The following EYS variants were observed in gnomAD, a reference collection of about 807,000 sequenced individuals.
The protein encoded by EYS is protein eyes shut homolog.
EYS carries 250 observed loss-of-function variants against 282.1 expected under a neutral mutation model. That is an observed-to-expected ratio of 0.89 (90% CI 0.80 to 0.98). The LOEUF (loss-of-function observed/expected upper bound fraction) is 0.98. EYS is among the 50% of genes least tolerant of loss of function. The pLI, the probability that EYS is intolerant of heterozygous loss-of-function variation, is 0.00. For missense variants in EYS, 4,016 were observed against 3,709.0 expected (o/e 1.08, Z -2.15); for synonymous variants, 1,355 against 1,282.9 (o/e 1.06, Z -1.20).
chr6:64,173,403 C>A (rs191445756), intron 31 of EYS, among the ~76,000 whole-genome samples: 1 of 152,100 alleles, frequency 6.6e-6, no homozygotes, highest in African/African-American at 2.4e-5. Context: ...ATCGTAGTGA[C>A]CTAGGTGGTC....
chr6:64,660,863 T>A (rs1768985815), intron 22 of EYS, among the ~76,000 whole-genome samples: 1 of 152,200 alleles, frequency 6.6e-6, no homozygotes, highest in Non-Finnish European at 1.5e-5. Flanking sequence ...CCAATTACTT[T>A]CTTCACAGAA....
At chr6:64,682,659 G>A (rs1478368409) in intron 22 of EYS, among the ~76,000 whole-genome samples, 4 of 152,110 alleles carry the variant, frequency 2.6e-5, no homozygotes, top group Non-Finnish European at 5.9e-5. Flanking sequence ...TTGCATGCAG[G>A]CAGCCCACCC....
chr6:65,600,703 T>C (rs956983915), intron 2 of EYS, among the ~76,000 whole-genome samples: 2 of 152,022 alleles, frequency 1.3e-5, no homozygotes, highest in East Asian at 3.9e-4. Flanking sequence ...GATTTCAAAA[T>C]TAAAACATAA....
chr6:64,611,458 A>T lies in EYS; in HGVS notation c.3684+5960T>A, dbSNP rs563180032. ...AATAAGCGTCCTAGCTAATGCTTTT[A>T]TTTCCCTCATCATACAGTTTTCTTC... On this transcript the variant is annotated intron_variant, in intron 24 of 42. Transcript: ENST00000503581. Among the ~76,000 whole-genome samples the T allele has an allele frequency of 7.9e-5, 12 of 152,176 alleles. No homozygotes were observed. In the East Asian group the frequency reaches 2.3e-3, roughly 29 times the overall value.
At chr6:64,281,251 A>G (rs994355670) in intron 30 of EYS, among the ~76,000 whole-genome samples, 5 of 152,112 alleles carry the variant, frequency 3.3e-5, no homozygotes, top group African/African-American at 1.2e-4. Context: ...ATCTTTCAAA[A>G]AAATCTCAAA....
intron 36 of EYS, chr6:63,857,708 C>CT: frequency 2.4e-6 from 1 of 413,888 alleles, no homozygotes; most frequent in South Asian, 2.0e-5. Context: ...GGATGTTGAC[C>CT]TTTTTGCCAT....
At chr6:65,282,714 TA>T (rs1468774000) in intron 12 of EYS, among the ~76,000 whole-genome samples, 1 of 152,016 alleles carries the variant, frequency 6.6e-6, no homozygotes, top group Non-Finnish European at 1.5e-5. Flanking sequence ...AGCTCACTAA[TA>T]ATGGCTTTCC....
intron 5 of EYS, among the ~76,000 whole-genome samples, chr6:65,430,135 T>A (rs77978033): frequency 1.3e-5 from 2 of 152,106 alleles, no homozygotes; most frequent in African/African-American, 4.8e-5. Context: ...TCCATCAATC[T>A]TCCCCCCTCT....
intron 13 of EYS, among the ~76,000 whole-genome samples, chr6:65,021,584 T>C (rs1360002445): frequency 6.6e-6 from 1 of 152,216 alleles, no homozygotes; most frequent in Non-Finnish European, 1.5e-5. Flanking sequence ...TCTGTCTTTT[T>C]CTGAGCCATC....
intron 19 of EYS, among the ~76,000 whole-genome samples, chr6:64,837,911 C>T (rs959598120): frequency 6.6e-6 from 1 of 151,386 alleles, no homozygotes; most frequent in African/African-American, 2.4e-5. Flanking sequence ...CAATATACAC[C>T]ATTCAAGTGA....
chr6:64,921,512 G>A (rs1476919652), intron 15 of EYS, among the ~76,000 whole-genome samples: 1 of 152,134 alleles, frequency 6.6e-6, no homozygotes, highest in Non-Finnish European at 1.5e-5. Flanking sequence ...TCTCACAGGG[G>A]TTATGTGGAA....
chr6:64,153,251 G>A (rs1774801521), intron 31 of EYS, among the ~76,000 whole-genome samples: 1 of 152,096 alleles, frequency 6.6e-6, no homozygotes, highest in African/African-American at 2.4e-5. Context: ...AAAAAAATGA[G>A]GATTTGAACC....
At chr6:65,349,742 TATGGTAGTGTG>T (rs1048480270) in intron 9 of EYS, among the ~76,000 whole-genome samples, 3 of 151,400 alleles carry the variant, frequency 2.0e-5, no homozygotes, top group Non-Finnish European at 3.0e-5. Flanking sequence ...TCAAATACTG[TATGGTAGTGTG>T]TAAATCACTA....
intron 26 of EYS, among the ~76,000 whole-genome samples, chr6:64,441,608 T>C (rs1774950610): frequency 6.6e-6 from 1 of 152,072 alleles, no homozygotes; most frequent in South Asian, 2.1e-4. Flanking sequence ...CCCACCCAAA[T>C]CTCATTTTGT....
At chr6:64,228,726 A>G (rs1766326524) in intron 31 of EYS, among the ~76,000 whole-genome samples, 1 of 152,182 alleles carries the variant, frequency 6.6e-6, no homozygotes, top group African/African-American at 2.4e-5. Context: ...TCTTTTCCTG[A>G]GGTCACTTTC....
intron 42 of EYS, among the ~76,000 whole-genome samples, chr6:63,724,348 A>G (rs1768531796): frequency 6.6e-6 from 1 of 152,224 alleles, no homozygotes; most frequent in African/African-American, 2.4e-5. Flanking sequence ...CTACAGAATC[A>G]GCATATCAGG....
intron 40 of EYS, among the ~76,000 whole-genome samples, chr6:63,772,911 G>A (rs1438926925): frequency 6.6e-6 from 1 of 151,774 alleles, no homozygotes; most frequent in African/African-American, 2.4e-5. Context: ...ATTTGTATGT[G>A]TATCTATATT....
intron 5 of EYS, among the ~76,000 whole-genome samples, chr6:65,478,822 C>T (rs746733768): frequency 6.6e-6 from 1 of 152,150 alleles, no homozygotes; most frequent in African/African-American, 2.4e-5. Context: ...GCCACATTGA[C>T]ATTTGCTATT....
intron 12 of EYS, among the ~76,000 whole-genome samples, chr6:65,107,586 T>A (rs1199927559): frequency 6.6e-6 from 1 of 151,768 alleles, no homozygotes; most frequent in Non-Finnish European, 1.5e-5. Context: ...TATAATATAT[T>A]AGATTCCATA....
Sources: gnomAD v4.1 joint callset for allele counts (sites outside exome capture counted in the v4.1 genomes callset) on GRCh38, gnomAD v4.1.1 for gene constraint, MANE v1.5 for transcripts, NCBI Gene and HGNC (gene_info 2026-07-23, HGNC 2026-07-21) for gene names.